NRF1: variants seen among roughly 807,000 people sequenced by gnomAD.
NRF1 encodes nuclear respiratory factor 1.
A neutral mutation model predicts 58.5 loss-of-function variants in NRF1; 5 were observed. That is an observed-to-expected ratio of 0.09 (90% CI 0.04 to 0.18). NRF1 has a LOEUF of 0.18. Ranked by LOEUF, NRF1 falls within the 10% of genes least tolerant of loss-of-function variation. NRF1 has a pLI of 1.00. For synonymous variants in NRF1, 224 were observed against 246.7 expected, an observed-to-expected ratio of 0.91 and a Z score of 0.86; for missense variants, 288 against 657.7, an observed-to-expected ratio of 0.44 and a Z score of 6.15.
intron 2 of NRF1, among the ~76,000 whole-genome samples, chr7:129,660,869 G>A (rs1423883264): frequency 6.6e-6 from 1 of 151,010 alleles, no homozygotes; most frequent in Non-Finnish European, 1.5e-5. Context: ...CTCTGTGTGA[G>A]GTCTCCGACC....
chr7:129,653,062 T>C (rs1219801893), intron 1 of NRF1, among the ~76,000 whole-genome samples: 1 of 152,248 alleles, frequency 6.6e-6, no homozygotes, highest in Non-Finnish European at 1.5e-5. Context: ...CAGAACTCTT[T>C]ATCTTGCAGA....
intron 3 of NRF1, among the ~76,000 whole-genome samples, chr7:129,675,528 A>T (rs1426470229): frequency 6.6e-6 from 1 of 152,252 alleles, no homozygotes; most frequent in African/African-American, 2.4e-5. Flanking sequence ...GAATGTTGAA[A>T]TGACTCCTTG....
At chr7:129,718,536 A>G (rs1240041075) in intron 9 of NRF1, among the ~76,000 whole-genome samples, 1 of 152,228 alleles carries the variant, frequency 6.6e-6, no homozygotes, top group Admixed American at 6.5e-5. Context: ...TCTGCCCTCA[A>G]AGAAATCATA....
chr7:129,678,480 C>T (rs1312447823), intron 4 of NRF1, among the ~76,000 whole-genome samples: 1 of 152,130 alleles, frequency 6.6e-6, no homozygotes, highest in African/African-American at 2.4e-5. Flanking sequence ...AATTAGTAAT[C>T]AATTGATCGA....
At chr7:129,691,901 C>T (rs1200241826) in intron 5 of NRF1, among the ~76,000 whole-genome samples, 1 of 152,098 alleles carries the variant, frequency 6.6e-6, no homozygotes, top group Non-Finnish European at 1.5e-5. Context: ...ACCCAGTTTA[C>T]CCTCACTGTT....
At chr7:129,707,097 G>A (rs1361296035) in intron 5 of NRF1, among the ~76,000 whole-genome samples, 1 of 152,208 alleles carries the variant, frequency 6.6e-6, no homozygotes, top group East Asian at 1.9e-4. Context: ...GAGCTCAAGC[G>A]ATCCTCCTGC....
chr7:129,672,380 C>G (rs1213974138), intron 3 of NRF1, among the ~76,000 whole-genome samples: 1 of 151,878 alleles, frequency 6.6e-6, no homozygotes, highest in Non-Finnish European at 1.5e-5. Context: ...GACTCTTACT[C>G]TGAGTGAGAT....
intron 4 of NRF1, among the ~76,000 whole-genome samples, chr7:129,686,216 T>G (rs2151090722): frequency 6.6e-6 from 1 of 151,994 alleles, no homozygotes; most frequent in Non-Finnish European, 1.5e-5. Context: ...GCAAAGTTGC[T>G]CAGTATAGGA....
At chr7:129,642,822 G>A (rs1801324663) in intron 1 of NRF1, among the ~76,000 whole-genome samples, 1 of 147,402 alleles carries the variant, frequency 6.8e-6, no homozygotes, top group Non-Finnish European at 1.5e-5. Context: ...GTACAGTGGT[G>A]CAATCTCAAG....
At chr7:129,652,409 A>G (rs1801557292) in intron 1 of NRF1, among the ~76,000 whole-genome samples, 1 of 152,202 alleles carries the variant, frequency 6.6e-6, no homozygotes, top group Non-Finnish European at 1.5e-5. Flanking sequence ...GCTTTTCAAT[A>G]TACATCAAAA....
intron 8 of NRF1, among the ~76,000 whole-genome samples, chr7:129,716,200 A>ATG (rs140886615): frequency 1.3e-5 from 2 of 152,024 alleles, no homozygotes; most frequent in South Asian, 2.1e-4. Context: ...AATGGGGTGA[A>ATG]TGTGTGTGTG....
intron 8 of NRF1, among the ~76,000 whole-genome samples, chr7:129,715,769 C>T (rs188741419): frequency 1.3e-5 from 2 of 152,222 alleles, no homozygotes; most frequent in East Asian, 1.9e-4. Context: ...CTTTGGGAGG[C>T]GGAGGCAGGT....
Position 129,657,476 on chromosome 7 carries a change from A to G in NRF1, c.125A>G (p.Glu42Gly), listed in dbSNP as rs748355282. The change falls in exon 2 of 11, where the codon GAA becomes GGA. Residue 42 changes from glutamate (E) to glycine (G), a missense_variant. Around this residue, in one of 3 missense-constraint regions of NRF1, gnomAD observed 48 missense variants for 65.5 expected, o/e 0.73. Coordinates refer to ENST00000393232, the MANE Select transcript of NRF1 (RefSeq NM_005011.5). Reference sequence around the variant, plus strand: ...GAGCATAGTATGCTGAGTGCTGATGAAGACTCGCCTTCTTCTCCCGAGGAC... The same window carrying G: ...GAGCATAGTATGCTGAGTGCTGATGGAGACTCGCCTTCTTCTCCCGAGGAC... Reference protein sequence around the residue: ...YTEHSMLSADEDSPSSPEDTS... With the variant: ...YTEHSMLSADGDSPSSPEDTS... The G allele has an allele frequency of 6.2e-7, 1 of 1,614,092 alleles. No homozygotes were observed. Among genetic ancestry groups the G allele is most frequent in the South Asian group, 1.1e-5 (1 of 91,078 alleles).
At chr7:129,644,166 A>C (rs1801355367) in intron 1 of NRF1, among the ~76,000 whole-genome samples, 1 of 152,218 alleles carries the variant, frequency 6.6e-6, no homozygotes, top group South Asian at 2.1e-4. Flanking sequence ...AAGCCTACTT[A>C]CTTAACTGTA....
At chr7:129,731,732 A>C (rs936111264) in intron 10 of NRF1, among the ~76,000 whole-genome samples, 1 of 152,004 alleles carries the variant, frequency 6.6e-6, no homozygotes, top group Admixed American at 6.6e-5. Context: ...CAGCCTACTG[A>C]GACGCTGGGA....
chr7:129,743,886 A>G (rs1803906444), intron 10 of NRF1, among the ~76,000 whole-genome samples: 1 of 152,214 alleles, frequency 6.6e-6, no homozygotes, highest in African/African-American at 2.4e-5. Flanking sequence ...TAGGAAGGTA[A>G]GTCTGCTACA....
intron 1 of NRF1, among the ~76,000 whole-genome samples, chr7:129,648,076 A>T (rs1801449656): frequency 6.6e-6 from 1 of 151,914 alleles, no homozygotes; most frequent in Non-Finnish European, 1.5e-5. Context: ...AAGATGAAAT[A>T]GAAGGACTTA....
At chr7:129,618,465 G>T (rs960174828) in intron 1 of NRF1, among the ~76,000 whole-genome samples, 3 of 152,208 alleles carry the variant, frequency 2.0e-5, no homozygotes, top group Admixed American at 1.3e-4. Flanking sequence ...GGAGGCCAAG[G>T]CAGAGGATCA....
At chr7:129,682,472 A>G (rs568331710) in intron 4 of NRF1, among the ~76,000 whole-genome samples, 1 of 151,632 alleles carries the variant, frequency 6.6e-6, no homozygotes, top group Admixed American at 6.6e-5. Context: ...GAAAAAAAAA[A>G]CAAAACAAAA....
Sources: gnomAD v4.1 joint callset for allele counts (sites outside exome capture counted in the v4.1 genomes callset) on GRCh38, gnomAD v4.1.1 for gene constraint, gnomAD v4.1.1 regional missense constraint, MANE v1.5 for transcripts, NCBI Gene and HGNC (gene_info 2026-07-23, HGNC 2026-07-21) for gene names.